The following FBLN5 variants were observed in gnomAD, a reference collection of about 807,000 sequenced individuals.
FBLN5 encodes fibulin 5.
Under a neutral mutation model 61.6 loss-of-function variants are expected in FBLN5, and 24 were observed. The observed-to-expected ratio is 0.39, with a 90% CI of 0.28 to 0.55. The LOEUF is 0.55. Among genes scored for constraint, FBLN5 ranks in the 20% least tolerant of loss-of-function variants. FBLN5 has a pLI of 0.65. For synonymous variants in FBLN5, 213 were observed against 219.8 expected, an observed-to-expected ratio of 0.97 and a Z score of 0.27; for missense variants, 470 against 594.1, an observed-to-expected ratio of 0.79 and a Z score of 2.17.
Position 91,881,333 on chromosome 14 carries a change from G to T in FBLN5, c.948C>A (p.Asp316Glu). ...YNLQGGFKCI[D>E]PIRCEEPYLR... Reference sequence around the variant, plus strand: ...GATAAGGCTCCTCACAGCGGATGGGGTCAATGCATTTGAAGCCCCCTTGTA... The same window carrying T: ...GATAAGGCTCCTCACAGCGGATGGGTTCAATGCATTTGAAGCCCCCTTGTA... Residue 316 changes from aspartate (D) to glutamate (E), a missense_variant, in exon 9 of 11, where the codon GAC becomes GAA. Physicochemically the swap from Asp to Glu is conservative, Grantham distance 45 (BLOSUM62 2). Transcript: ENST00000342058. 6.2e-7 allele frequency: 1 copy of T among 1,614,160 alleles called. No individual in the cohort carries two copies. The highest frequency in any genetic ancestry group is 8.5e-7 in the Non-Finnish European group (1 of 1,180,008).
intron 4 of FBLN5, among the ~76,000 whole-genome samples, chr14:91,922,431 C>T (rs2055754166): frequency 1.3e-5 from 2 of 152,080 alleles, no homozygotes; most frequent in South Asian, 2.1e-4. Flanking sequence ...CTGGTGGACA[C>T]GAAAGCATTT....
At chr14:91,946,433 G>A (rs1057179660) in intron 1 of FBLN5, among the ~76,000 whole-genome samples, 3 of 152,078 alleles carry the variant, frequency 2.0e-5, no homozygotes, top group Non-Finnish European at 2.9e-5. Context: ...AAGGAAAGCC[G>A]GAGAGACCAA....
chr14:91,918,538 A>G (rs904286363), intron 4 of FBLN5, among the ~76,000 whole-genome samples: 2 of 152,214 alleles, frequency 1.3e-5, no homozygotes, highest in African/African-American at 4.8e-5. Flanking sequence ...AAGAATGCTG[A>G]GCACCCAGTT....
At chr14:91,876,957 C>T (rs1595292674) in intron 10 of FBLN5, among the ~76,000 whole-genome samples, 3 of 152,140 alleles carry the variant, frequency 2.0e-5, no homozygotes, top group Admixed American at 6.5e-5. Flanking sequence ...ACCACCTCCC[C>T]GCCACACTGC....
chr14:91,897,367 C>T (rs1315916151), intron 4 of FBLN5, among the ~76,000 whole-genome samples: 1 of 152,114 alleles, frequency 6.6e-6, no homozygotes, highest in Non-Finnish European at 1.5e-5. Flanking sequence ...ATAAATAGTG[C>T]CACTATCGGC....
At chr14:91,891,087 G>T in intron 6 of FBLN5, 134 bp downstream of exon 6, 1 of 726,364 alleles carries the variant, frequency 1.4e-6, no homozygotes, top group Admixed American at 1.9e-5. Context: ...TAGTAATGGG[G>T]ATGGGCGGGC....
intron 10 of FBLN5, among the ~76,000 whole-genome samples, chr14:91,870,771 A>G (rs1888886320): frequency 6.6e-6 from 1 of 152,222 alleles, no homozygotes; most frequent in Non-Finnish European, 1.5e-5. Flanking sequence ...AAGAACAGGT[A>G]CTGGGGTCAG....
chr14:91,946,988 T>A (rs763057133), intron 1 of FBLN5: 46 of 1,480,998 alleles, frequency 3.1e-5, no homozygotes, highest in Non-Finnish European at 3.7e-5. Context: ...TGATGCTGGC[T>A]TTTGAAACTG....
chr14:91,905,637 T>C (rs1488068070), intron 4 of FBLN5, among the ~76,000 whole-genome samples: 1 of 147,804 alleles, frequency 6.8e-6, no homozygotes, highest in Non-Finnish European at 1.5e-5. Context: ...TGGAGTGCAG[T>C]GGTGTGATCT....
At chr14:91,918,742 C>T (rs144570936) in intron 4 of FBLN5, among the ~76,000 whole-genome samples, 1 of 152,216 alleles carries the variant, frequency 6.6e-6, no homozygotes, top group Non-Finnish European at 1.5e-5. Flanking sequence ...CTTTCTTGGA[C>T]AGCTGACCTA....
chr14:91,921,121 G>A (rs1440660466), intron 4 of FBLN5, among the ~76,000 whole-genome samples: 1 of 152,128 alleles, frequency 6.6e-6, no homozygotes, highest in African/African-American at 2.4e-5. Context: ...AGTAAAATCC[G>A]TCACCTGGGA....
intron 4 of FBLN5, among the ~76,000 whole-genome samples, chr14:91,908,360 T>C (rs555482686): frequency 2.0e-5 from 3 of 152,300 alleles, no homozygotes; most frequent in Non-Finnish European, 4.4e-5. Context: ...CACCCCTTCT[T>C]AGCAGCATTT....
chr14:91,931,289 G>A (rs1340453208), intron 4 of FBLN5, among the ~76,000 whole-genome samples: 1 of 152,156 alleles, frequency 6.6e-6, no homozygotes, highest in Non-Finnish European at 1.5e-5. Flanking sequence ...TGCTTGTGTT[G>A]CGTTTAATCT....
At chr14:91,879,880 G>A (rs1180855901) in intron 9 of FBLN5, among the ~76,000 whole-genome samples, 1 of 152,206 alleles carries the variant, frequency 6.6e-6, no homozygotes, top group Non-Finnish European at 1.5e-5. Context: ...CGTCTCCCAT[G>A]CGGGGTTTGG....
At chr14:91,930,094 A>G (rs1447700213) in intron 4 of FBLN5, among the ~76,000 whole-genome samples, 1 of 152,228 alleles carries the variant, frequency 6.6e-6, no homozygotes, top group Non-Finnish European at 1.5e-5. Context: ...GAATAACAGG[A>G]CTAGGGGTTT....
chr14:91,942,274 G>T, intron 2 of FBLN5: 2 of 432,770 alleles, frequency 4.6e-6, no homozygotes, highest in East Asian at 1.4e-4. Context: ...CCTCTGAGGG[G>T]TTTCAGCCCA....
intron 2 of FBLN5, among the ~76,000 whole-genome samples, 200 bp downstream of exon 2, chr14:91,942,707 C>T (rs2140055718): frequency 6.6e-6 from 1 of 152,254 alleles, no homozygotes; most frequent in African/African-American, 2.4e-5. Flanking sequence ...AGCCTTGTCA[C>T]TTACAAGTCA....
intron 1 of FBLN5, among the ~76,000 whole-genome samples, chr14:91,945,755 A>C (rs2056173674): frequency 6.6e-6 from 1 of 152,176 alleles, no homozygotes; most frequent in East Asian, 1.9e-4. Context: ...AAGGACGCTG[A>C]GAGTCCACAA....
At chr14:91,942,100 C>T (rs2056114405) in intron 2 of FBLN5, 1 of 455,798 alleles carries the variant, frequency 2.2e-6, no homozygotes, top group South Asian at 1.5e-5. Flanking sequence ...GAGCCAGAGA[C>T]ACAGAGAGGC....
Sources: gnomAD v4.1 joint callset for allele counts (sites outside exome capture counted in the v4.1 genomes callset) on GRCh38, gnomAD v4.1.1 for gene constraint, MANE v1.5 for transcripts, NCBI Gene and HGNC (gene_info 2026-07-23, HGNC 2026-07-21) for gene names.